KIF2A: variants seen among roughly 807,000 people sequenced by gnomAD.
The protein encoded by KIF2A is kinesin-like protein KIF2A.
KIF2A carries 22 observed loss-of-function variants against 100.2 expected under a neutral mutation model. The observed-to-expected ratio is 0.22, with a 90% CI of 0.16 to 0.31. The LOEUF (loss-of-function observed/expected upper bound fraction) is 0.31. Among genes scored for constraint, KIF2A ranks in the 10% least tolerant of loss-of-function variants. The pLI is 1.00. For synonymous variants in KIF2A, 268 were observed against 285.9 expected (o/e 0.94, Z 0.63); for missense variants, 495 against 898.7 (o/e 0.55, Z 5.74).
At position 62,388,926 on chromosome 5, in the gene KIF2A, A is replaced by G. The variant is rs1383937966; in HGVS notation, c.*3357A>G. 3.9e-6 allele frequency: 5 copies of G among 1,294,216 alleles called. No homozygotes were observed. The highest frequency in any genetic ancestry group is 5.5e-6 in the Non-Finnish European group (5 of 911,524). 80.2% of individuals were successfully genotyped at this position (1,294,216 alleles called of 1,614,324 possible). A position where few individuals can be genotyped will look rare whatever the true frequency, so the allele number is the denominator to read the frequency against. ...TAGTCAAGTAAATAATGTCTCAGTAAAGCAAAAGCATTATCTTCTCAAATA... is the reference window on the plus strand; with the variant it reads ...TAGTCAAGTAAATAATGTCTCAGTAGAGCAAAAGCATTATCTTCTCAAATA... On this transcript the variant is annotated 3_prime_UTR_variant, in exon 21 of 21. Transcript: ENST00000407818.
chr5:62,333,555 G>A (rs1240440091), intron 1 of KIF2A, among the ~76,000 whole-genome samples: 2 of 152,170 alleles, frequency 1.3e-5, no homozygotes, highest in African/African-American at 4.8e-5. Flanking sequence ...GGACACAGTG[G>A]CCCTCGAGGA....
intron 1 of KIF2A, among the ~76,000 whole-genome samples, chr5:62,337,034 T>G (rs1487613577): frequency 1.3e-5 from 2 of 150,722 alleles, no homozygotes; most frequent in Admixed American, 6.6e-5. Context: ...CAATAAAAAC[T>G]AATACTATAA....
At chr5:62,363,386 A>C in intron 13 of KIF2A, 66 bp downstream of exon 13, 1 of 1,410,786 alleles carries the variant, frequency 7.1e-7, no homozygotes, top group Non-Finnish European at 9.7e-7. Context: ...GTATAACAAA[A>C]TGAGGATGTT....
chr5:62,361,489 A>G lies in KIF2A; in HGVS notation c.987A>G (p.Gly329=). The change falls in exon 11 of 21, where the codon GGA becomes GGG. Residue 329 remains glycine, a synonymous_variant. Coordinates refer to ENST00000407818, the MANE Select transcript of KIF2A (RefSeq NM_001098511.3). ...KTHTMGGDFS[G]KNQDCSKGIY... is the part of the protein sequence containing the mutation. Reference sequence around the variant, plus strand: ...AGACTATGGGTGGTGACTTTTCAGGAAAGAACCAAGATTGTTCTAAAGGAA... The same window carrying G: ...AGACTATGGGTGGTGACTTTTCAGGGAAGAACCAAGATTGTTCTAAAGGAA... The G allele has an allele frequency of 6.3e-7, 1 of 1,586,046 alleles. No homozygotes were observed. The highest frequency in any genetic ancestry group is 8.7e-7 in the Non-Finnish European group (1 of 1,155,576).
chr5:62,339,606 T>G (rs1294508527), intron 1 of KIF2A, among the ~76,000 whole-genome samples: 2 of 150,974 alleles, frequency 1.3e-5, no homozygotes, highest in African/African-American at 2.4e-5. Context: ...GTCCATAGCA[T>G]CATTGTTCCT....
chr5:62,322,163 C>T (rs1443065253), intron 1 of KIF2A, among the ~76,000 whole-genome samples: 4 of 152,108 alleles, frequency 2.6e-5, no homozygotes, highest in Non-Finnish European at 5.9e-5. Flanking sequence ...CTCCTGGGCT[C>T]AAGTGATCCT....
Position 62,386,386 on chromosome 5 carries a change from A to C in KIF2A, c.*817A>C, listed in dbSNP as rs1161528331. ...AATAAAAAGTAATGAAATTCTGAGA[A>C]GAGTTTTATCTTAGGAAAATACATA... On this transcript the variant is annotated 3_prime_UTR_variant, in exon 21 of 21. Coordinates refer to ENST00000407818, the MANE Select transcript of KIF2A (RefSeq NM_001098511.3). The C allele has an allele frequency of 6.6e-6, 1 of 152,260 alleles. No individual in the cohort carries two copies. The highest frequency in any genetic ancestry group is 1.5e-5 in the Non-Finnish European group (1 of 68,048). The allele number at this position is 152,260 out of a possible 1,614,324, so 9.4% of individuals were successfully genotyped here.
intron 1 of KIF2A, among the ~76,000 whole-genome samples, chr5:62,318,530 G>A (rs1206316242): frequency 1.3e-5 from 2 of 152,110 alleles, no homozygotes; most frequent in Non-Finnish European, 2.9e-5. Flanking sequence ...ATGCTCTTTG[G>A]TTGCAGTTTT....
At chr5:62,334,265 G>T (rs1245145795) in intron 1 of KIF2A, among the ~76,000 whole-genome samples, 2 of 151,910 alleles carry the variant, frequency 1.3e-5, no homozygotes, top group African/African-American at 4.8e-5. Context: ...ATTAGTGAGG[G>T]CCTGAGCCTG....
intron 1 of KIF2A, among the ~76,000 whole-genome samples, chr5:62,317,051 C>G (rs868419447): frequency 2.0e-5 from 3 of 149,898 alleles, no homozygotes; most frequent in Middle Eastern, 3.5e-3. Context: ...CAACTTTAGC[C>G]CTTTTTTTTT....
intron 1 of KIF2A, among the ~76,000 whole-genome samples, chr5:62,344,775 T>C (rs150613071): frequency 0.019 from 2,885 of 152,314 alleles, 36 homozygotes; most frequent in South Asian, 0.048. Flanking sequence ...TTATGAAAAA[T>C]AATAGGTAGG....
chr5:62,324,225 A>G (rs894317490), intron 1 of KIF2A, among the ~76,000 whole-genome samples: 1 of 152,154 alleles, frequency 6.6e-6, no homozygotes, highest in Non-Finnish European at 1.5e-5. Flanking sequence ...TGATACAAAC[A>G]GAAAAACATT....
chr5:62,334,962 G>A (rs545117206), intron 1 of KIF2A, among the ~76,000 whole-genome samples: 2 of 152,348 alleles, frequency 1.3e-5, no homozygotes, highest in South Asian at 2.1e-4. Flanking sequence ...CTGGGGAACT[G>A]GAGCAGTTCA....
chr5:62,362,810 G>A (rs1748473023), intron 12 of KIF2A, among the ~76,000 whole-genome samples: 1 of 151,980 alleles, frequency 6.6e-6, no homozygotes, highest in Non-Finnish European at 1.5e-5. Flanking sequence ...CTTAAACTCT[G>A]GGTGACTCAT....
chr5:62,370,057 T>C (rs997126474), intron 16 of KIF2A, among the ~76,000 whole-genome samples: 1 of 152,348 alleles, frequency 6.6e-6, no homozygotes, highest in South Asian at 2.1e-4. Flanking sequence ...TTTAGCACAG[T>C]ACCTGGGATA....
intron 1 of KIF2A, among the ~76,000 whole-genome samples, chr5:62,311,082 A>C (rs1184805777): frequency 6.6e-6 from 1 of 152,174 alleles, no homozygotes; most frequent in Non-Finnish European, 1.5e-5. Flanking sequence ...AGGTTTTTGG[A>C]GATAAACTAG....
At position 62,391,012 on chromosome 5, in the gene KIF2A, C is replaced by T. The variant is rs542444877; in HGVS notation, c.*5443C>T. 1.4e-4 allele frequency: 218 copies of T among 1,582,064 alleles called. No individual in the cohort carries two copies. Among genetic ancestry groups the T allele is most frequent in the East Asian group, 1.3e-3 (56 of 44,696 alleles). On this transcript the variant is annotated 3_prime_UTR_variant, in exon 21 of 21. Coordinates refer to ENST00000407818, the MANE Select transcript of KIF2A (RefSeq NM_001098511.3). Reference sequence around the variant, plus strand: ...CAATATAAGATTCAGAATAAATGAACGACATATCTTTAATGAGGTCACCTT... The same window carrying T: ...CAATATAAGATTCAGAATAAATGAATGACATATCTTTAATGAGGTCACCTT...
intron 7 of KIF2A, among the ~76,000 whole-genome samples, chr5:62,357,401 T>C (rs1386520994): frequency 6.6e-6 from 1 of 152,192 alleles, no homozygotes; most frequent in Non-Finnish European, 1.5e-5. Flanking sequence ...AGCTTCTTAA[T>C]GTGAACTTAA....
chr5:62,365,173 A>C (rs1393263563), intron 14 of KIF2A, 70 bp from the exon 15 acceptor site: 1 of 745,844 alleles, frequency 1.3e-6, no homozygotes. Context: ...GAGACCTTTT[A>C]AAATATGTTA....
Sources: gnomAD v4.1 joint callset for allele counts (sites outside exome capture counted in the v4.1 genomes callset) on GRCh38, gnomAD v4.1.1 for gene constraint, MANE v1.5 for transcripts, NCBI Gene and HGNC (gene_info 2026-07-23, HGNC 2026-07-21) for gene names.